Variants in UBE3D observed in about 807,000 individuals in gnomAD.
UBE3D encodes the protein E3 ubiquitin-protein ligase E3D.
A neutral mutation model predicts 49.6 loss-of-function variants in UBE3D; 48 were observed. The ratio of observed to expected loss-of-function variants is 0.97; its 90% confidence interval spans 0.77 to 1.23. UBE3D has a LOEUF of 1.23. Ranked by LOEUF, UBE3D falls within the 50% of genes most tolerant of loss-of-function variation. The pLI is 0.00. For synonymous variants in UBE3D, 189 were observed against 174.2 expected (o/e 1.08, Z -0.67); for missense variants, 452 against 468.4 (o/e 0.96, Z 0.32).
intron 9 of UBE3D, among the ~76,000 whole-genome samples, chr6:82,922,184 C>G (rs2127736357): frequency 6.6e-6 from 1 of 152,148 alleles, no homozygotes; most frequent in Non-Finnish European, 1.5e-5. Context: ...CCTAGGAAAA[C>G]AGAAATTATT....
At chr6:82,956,659 C>A (rs989883894) in intron 9 of UBE3D, among the ~76,000 whole-genome samples, 1 of 152,206 alleles carries the variant, frequency 6.6e-6, no homozygotes, top group African/African-American at 2.4e-5. Flanking sequence ...GGGTCTCCTG[C>A]AAACTTGGGA....
chr6:82,905,827 T>A (rs1046662393), intron 9 of UBE3D, among the ~76,000 whole-genome samples: 1 of 152,156 alleles, frequency 6.6e-6, no homozygotes, highest in Non-Finnish European at 1.5e-5. Context: ...CTGGTTTTTT[T>A]TAGCTTATAA....
chr6:82,898,398 G>A (rs547729713), intron 9 of UBE3D, among the ~76,000 whole-genome samples: 4 of 152,104 alleles, frequency 2.6e-5, no homozygotes, highest in Non-Finnish European at 5.9e-5. Context: ...TTGTAGCACT[G>A]TTCACAATAG....
chr6:82,963,131 G>GT (rs903401314), intron 8 of UBE3D, among the ~76,000 whole-genome samples: 7 of 148,384 alleles, frequency 4.7e-5, no homozygotes, highest in African/African-American at 1.7e-4. Flanking sequence ...GAAATTAGTT[G>GT]TTTAGGAGAG....
chr6:83,052,683 G>C (rs112706467), intron 3 of UBE3D, among the ~76,000 whole-genome samples: 1,645 of 152,230 alleles, frequency 0.011, 32 homozygotes, highest in African/African-American at 0.038. Context: ...TGGGGAAAGA[G>C]ATATGAAATG....
chr6:82,987,740 C>T (rs1778619164), intron 8 of UBE3D, among the ~76,000 whole-genome samples: 1 of 152,150 alleles, frequency 6.6e-6, no homozygotes, highest in African/African-American at 2.4e-5. Flanking sequence ...AACAGAAAAG[C>T]TCACACATGT....
chr6:82,948,497 C>T (rs913301996), intron 9 of UBE3D, among the ~76,000 whole-genome samples: 9 of 151,938 alleles, frequency 5.9e-5, no homozygotes, highest in African/African-American at 2.2e-4. Flanking sequence ...TGGAATACCT[C>T]CAAACTCATT....
intron 9 of UBE3D, among the ~76,000 whole-genome samples, chr6:82,923,138 G>A (rs1307860217): frequency 1.3e-5 from 2 of 152,154 alleles, no homozygotes; most frequent in Non-Finnish European, 2.9e-5. Flanking sequence ...AACCATTGTG[G>A]AAGACAGTGT....
intron 8 of UBE3D, among the ~76,000 whole-genome samples, chr6:83,014,676 G>T (rs924254444): frequency 6.6e-6 from 1 of 152,220 alleles, no homozygotes; most frequent in African/African-American, 2.4e-5. Flanking sequence ...CCTATCCCCA[G>T]TGAACAGTTA....
At chr6:82,951,102 T>A (rs949676596) in intron 9 of UBE3D, among the ~76,000 whole-genome samples, 4 of 151,872 alleles carry the variant, frequency 2.6e-5, no homozygotes, top group Non-Finnish European at 4.4e-5. Context: ...ACTAAAAGAG[T>A]ATAAGTGGAT....
chr6:83,052,265 G>A (rs1246319515), intron 3 of UBE3D, among the ~76,000 whole-genome samples: 3 of 152,126 alleles, frequency 2.0e-5, no homozygotes, highest in Non-Finnish European at 4.4e-5. Context: ...TCTGGCTTCT[G>A]AGTCTGTACT....
chr6:83,059,814 A>T (rs1399140138), intron 1 of UBE3D, among the ~76,000 whole-genome samples: 2 of 152,066 alleles, frequency 1.3e-5, no homozygotes, highest in South Asian at 4.2e-4. Context: ...CAGCATGGAT[A>T]TGAGAAACCA....
rs544862278 is a variant in UBE3D at position 83,039,936 on chromosome 6, G to C, written c.598-1451C>G. ...ACTATAGGCGTGAGCCACCACACCA[G>C]GCCTACTGTGTTTTTAAAAAATGAA... On this transcript the variant is annotated intron_variant, in intron 4 of 9. Coordinates refer to ENST00000369747, the MANE Select transcript of UBE3D (RefSeq NM_198920.3). Among the ~76,000 whole-genome samples, 8 of 152,134 alleles carry C rather than the reference G, an allele frequency of 5.3e-5. No homozygotes were observed. In the East Asian group the frequency reaches 1.6e-3, roughly 30 times the overall value.
chr6:83,065,238 C>T (rs1784417444), intron 1 of UBE3D, among the ~76,000 whole-genome samples: 1 of 152,178 alleles, frequency 6.6e-6, no homozygotes, highest in Non-Finnish European at 1.5e-5. Context: ...GGAACTGATC[C>T]AGTAAGGAGG....
At chr6:82,971,134 A>G (rs541272338) in intron 8 of UBE3D, among the ~76,000 whole-genome samples, 18 of 152,234 alleles carry the variant, frequency 1.2e-4, no homozygotes, top group Non-Finnish European at 2.4e-4. Flanking sequence ...CTATTTTCTG[A>G]CAAAATAATT....
In UBE3D at chr6:82,922,952, G is replaced by GA. The variant is rs1415702478; in HGVS notation, c.1150-29911dup. Among the ~76,000 whole-genome samples the GA allele has an allele frequency of 1.3e-5, 2 of 152,166 alleles. 1 individual carries two copies. Among genetic ancestry groups the GA allele is most frequent in the South Asian group, 4.1e-4 (2 of 4,832 alleles). On this transcript the variant is annotated intron_variant, in intron 9 of 9. Transcript: ENST00000369747. ...ACATTTATGCAGCCAACAGACATAT[G>GA]AAAAAATGCTCATCATCACTGGTCA... is the stretch of plus-strand genomic sequence containing the variant.
At chr6:82,887,475 G>A (rs113237224), downstream of UBE3D, among the ~76,000 whole-genome samples, 47,301 of 145,526 alleles carry the variant, frequency 0.33, 8,952 homozygotes, top group African/African-American at 0.51. Context: ...TTGGGAGGCC[G>A]AGGCAGGCAG....
chr6:82,920,384 T>C (rs1773239312), intron 9 of UBE3D, among the ~76,000 whole-genome samples: 2 of 152,230 alleles, frequency 1.3e-5, no homozygotes, highest in Admixed American at 1.3e-4. Flanking sequence ...ACATATATCT[T>C]TTTAATATGA....
At chr6:83,055,538 T>C (rs961569883) in intron 2 of UBE3D, among the ~76,000 whole-genome samples, 1 of 152,184 alleles carries the variant, frequency 6.6e-6, no homozygotes, top group Non-Finnish European at 1.5e-5. Flanking sequence ...AAACAAATTT[T>C]CAGTGAAACA....
Sources: allele counts gnomAD v4.1 joint callset (sites outside exome capture counted in the v4.1 genomes callset), GRCh38; gene constraint gnomAD v4.1.1; transcripts MANE v1.5; gene names NCBI Gene and HGNC (gene_info 2026-07-23, HGNC 2026-07-21).